BPGM: variants seen among roughly 807,000 people sequenced by gnomAD.
BPGM encodes the protein 2,3-bisphosphoglycerate mutase, erythrocyte.
Under a neutral mutation model 21.6 loss-of-function variants are expected in BPGM, and 15 were observed. The observed-to-expected ratio is 0.70, with a 90% CI of 0.47 to 1.07. The LOEUF is 1.07. Ranked by LOEUF, BPGM falls within the 50% of genes least tolerant of loss-of-function variation. The pLI is 0.00. For synonymous variants in BPGM, 113 were observed against 116.2 expected (o/e 0.97, Z 0.18); for missense variants, 273 against 319.0 (o/e 0.86, Z 1.10).
At chr7:134,678,603 T>G (rs1796015670) in intron 2 of BPGM, among the ~76,000 whole-genome samples, 1 of 152,290 alleles carries the variant, frequency 6.6e-6, no homozygotes. Flanking sequence ...CGGATTTAGA[T>G]AGGAAACAGG....
At chr7:134,657,762 C>T (rs1795663075) in intron 1 of BPGM, among the ~76,000 whole-genome samples, 1 of 152,100 alleles carries the variant, frequency 6.6e-6, no homozygotes, top group South Asian at 2.1e-4. Flanking sequence ...CTGCAGGGCA[C>T]CAGCAAATGG....
intron 1 of BPGM, among the ~76,000 whole-genome samples, chr7:134,657,657 G>C (rs181939441): frequency 6.6e-6 from 1 of 152,290 alleles, no homozygotes; most frequent in Admixed American, 6.5e-5. Flanking sequence ...GAGAGAAGCA[G>C]TGTCACCTGG....
intron 1 of BPGM, among the ~76,000 whole-genome samples, chr7:134,654,657 A>G (rs908925738): frequency 8.5e-5 from 13 of 152,210 alleles, no homozygotes; most frequent in Non-Finnish European, 1.9e-4. Context: ...GTAGGTAAGA[A>G]AATGCAGACA....
chr7:134,672,968 A>G (rs909885646), intron 2 of BPGM, among the ~76,000 whole-genome samples: 2 of 152,042 alleles, frequency 1.3e-5, no homozygotes, highest in African/African-American at 4.8e-5. Flanking sequence ...AGGTCAGGAG[A>G]TAGAGACCAT....
chr7:134,663,457 AT>A (rs1670242844), intron 2 of BPGM, among the ~76,000 whole-genome samples: 1 of 152,286 alleles, frequency 6.6e-6, no homozygotes, highest in East Asian at 1.9e-4. Context: ...AAAAGGTTCT[AT>A]TCTTGTTCAG....
At chr7:134,650,739 G>C (rs2131413079) in intron 1 of BPGM, among the ~76,000 whole-genome samples, 1 of 152,280 alleles carries the variant, frequency 6.6e-6, no homozygotes, top group South Asian at 2.1e-4. Flanking sequence ...TGGCTAACAT[G>C]GTGAAACCCT....
intron 2 of BPGM, among the ~76,000 whole-genome samples, chr7:134,663,634 A>G (rs1406235034): frequency 1.3e-5 from 2 of 152,164 alleles, no homozygotes; most frequent in Admixed American, 1.3e-4. Context: ...CAACCGTGCC[A>G]ACTCCTTTTT....
intron 1 of BPGM, among the ~76,000 whole-genome samples, chr7:134,659,372 CGTGTGTGTGTGTGT>C (rs66893203): frequency 2.6e-4 from 38 of 145,390 alleles, no homozygotes; most frequent in Admixed American, 9.5e-4. Context: ...CACACCCCTC[CGTGTGTGTGTGTGT>C]GTGTGTGTGT....
intron 1 of BPGM, among the ~76,000 whole-genome samples, chr7:134,652,259 TG>T (rs1327908193): frequency 6.6e-6 from 1 of 152,216 alleles, no homozygotes; most frequent in Non-Finnish European, 1.5e-5. Flanking sequence ...TAGATCTAAG[TG>T]TGGGATCCAG....
chr7:134,650,763 A>T (rs1795543029), intron 1 of BPGM, among the ~76,000 whole-genome samples: 1 of 152,176 alleles, frequency 6.6e-6, no homozygotes, highest in East Asian at 1.9e-4. Flanking sequence ...TCTACTAAAG[A>T]TAACAAAAAA....
intron 1 of BPGM, among the ~76,000 whole-genome samples, chr7:134,649,134 A>G (rs6467545): frequency 0.48 from 73,513 of 151,670 alleles, 18,034 homozygotes; most frequent in East Asian, 0.69. Context: ...AAACAATCCA[A>G]TTGTACTCTT....
intron 1 of BPGM, among the ~76,000 whole-genome samples, chr7:134,656,563 CCTT>C (rs774394765): frequency 1.5e-4 from 23 of 152,144 alleles, no homozygotes; most frequent in African/African-American, 3.1e-4. Context: ...GCAAACATGT[CCTT>C]CTTCACATGG....
intron 1 of BPGM, among the ~76,000 whole-genome samples, chr7:134,651,779 C>G (rs914798507): frequency 6.6e-6 from 1 of 152,144 alleles, no homozygotes; most frequent in African/African-American, 2.4e-5. Flanking sequence ...GATGGAATTT[C>G]TATACATTTA....
At chr7:134,667,520 A>G (rs994242198) in intron 2 of BPGM, among the ~76,000 whole-genome samples, 3 of 152,120 alleles carry the variant, frequency 2.0e-5, no homozygotes, top group African/African-American at 4.8e-5. Context: ...AGCCTGGACA[A>G]CATAGTGAGA....
At chr7:134,660,300 T>C (rs1431167459) in intron 1 of BPGM, 1 of 152,180 alleles carries the variant, frequency 6.6e-6, no homozygotes, top group African/African-American at 2.4e-5. Context: ...TTGCCAAGAG[T>C]GGCAGAAGAC....
At chr7:134,666,911 A>G (rs1210256026) in intron 2 of BPGM, among the ~76,000 whole-genome samples, 1 of 152,238 alleles carries the variant, frequency 6.6e-6, no homozygotes, top group Admixed American at 6.5e-5. Flanking sequence ...GTATGTCATC[A>G]TATTTTTTTC....
chr7:134,667,536 T>C (rs1004997409), intron 2 of BPGM, among the ~76,000 whole-genome samples: 1 of 152,178 alleles, frequency 6.6e-6, no homozygotes, highest in African/African-American at 2.4e-5. Context: ...TGAGACCCCA[T>C]TTTAGAAAAA....
chr7:134,648,131 G>GC (rs139722217), intron 1 of BPGM, among the ~76,000 whole-genome samples: 69,944 of 145,018 alleles, frequency 0.48, 17,008 homozygotes, highest in East Asian at 0.7. Flanking sequence ...CTTTTGTTTT[G>GC]GTTTTTTTTT....
At chr7:134,652,702 C>T (rs1795575442) in intron 1 of BPGM, among the ~76,000 whole-genome samples, 1 of 152,150 alleles carries the variant, frequency 6.6e-6, no homozygotes, top group South Asian at 2.1e-4. Context: ...ATTTTTAGCT[C>T]CCACATATGA....
Sources: allele counts gnomAD v4.1 joint callset (sites outside exome capture counted in the v4.1 genomes callset), GRCh38; gene constraint gnomAD v4.1.1; transcripts MANE v1.5; gene names NCBI Gene and HGNC (gene_info 2026-07-23, HGNC 2026-07-21).